HHIPL2: variants seen among roughly 807,000 people sequenced by gnomAD.
The protein encoded by HHIPL2 is HHIP-like protein 2.
In HHIPL2, 61 loss-of-function variants were observed where a neutral mutation model predicts 61.0. That is an observed-to-expected ratio of 1.00 (90% CI 0.81 to 1.24). The LOEUF (loss-of-function observed/expected upper bound fraction) is 1.24, where lower values mean the gene tolerates loss of function less well. Ranked by LOEUF, HHIPL2 falls within the 50% of genes most tolerant of loss-of-function variation. HHIPL2 has a pLI of 0.00. For missense variants in HHIPL2, 885 were observed against 910.2 expected, an observed-to-expected ratio of 0.97 and a Z score of 0.36; for synonymous variants, 343 against 357.4, an observed-to-expected ratio of 0.96 and a Z score of 0.45.
intron 5 of HHIPL2, 122 bp from the exon 6 acceptor site, chr1:222,532,233 C>T: frequency 1.2e-6 from 1 of 806,280 alleles, no homozygotes; most frequent in Non-Finnish European, 1.8e-6. Flanking sequence ...AGATCAATAA[C>T]TAGCCTGCCT....
chr1:222,527,194 G>T, intron 6 of HHIPL2, 144 bp from the exon 7 acceptor site: 1 of 655,042 alleles, frequency 1.5e-6, no homozygotes, highest in Non-Finnish European at 2.7e-6. Context: ...AACCTAACTG[G>T]CATCAGCTCT....
chr1:222,530,439 T>C (rs1038718025), intron 6 of HHIPL2, among the ~76,000 whole-genome samples: 15 of 152,218 alleles, frequency 9.9e-5, no homozygotes, highest in Admixed American at 9.2e-4. Flanking sequence ...GTGGTTTCTC[T>C]CCTTTTTCAT....
chr1:222,544,002 T>TG lies in HHIPL2; in HGVS notation c.508dup (p.His170ProfsTer7). On this transcript the variant is annotated frameshift_variant, in exon 2 of 9. Coordinates refer to ENST00000343410, the MANE Select transcript of HHIPL2 (RefSeq NM_024746.4). LOFTEE classifies it high-confidence loss of function. Reference sequence around the variant, plus strand: ...GTCCTTGTCAGGAAGGTCCAGGAGGTGGCAGAAGCGGGTACCGTCCCTTCC... The same window carrying TG: ...GTCCTTGTCAGGAAGGTCCAGGAGGTGGGCAGAAGCGGGTACCGTCCCTTCC... 1 of 1,613,948 alleles carries TG rather than the reference T, an allele frequency of 6.2e-7. No individual in the cohort carries two copies. Among genetic ancestry groups the TG allele is most frequent in the Admixed American group, 1.7e-5 (1 of 59,998 alleles).
intron 6 of HHIPL2, 110 bp from the exon 7 acceptor site, chr1:222,527,160 G>A (rs1571764355): frequency 8.9e-6 from 7 of 786,912 alleles, no homozygotes; most frequent in African/African-American, 1.7e-5. Context: ...AAAATGCAGT[G>A]AGCGCCAAGA....
rs1240448211 is a variant in HHIPL2 at position 222,545,778 on chromosome 1, C to G, written c.322-1589G>C. Among the ~76,000 whole-genome samples, 3 of 152,068 alleles carry G rather than the reference C, an allele frequency of 2.0e-5. No individual in the cohort carries two copies. In the East Asian group the frequency reaches 5.8e-4, roughly 29 times the overall value. On this transcript the variant is annotated intron_variant, in intron 1 of 8. Coordinates refer to ENST00000343410, the MANE Select transcript of HHIPL2 (RefSeq NM_024746.4). ...AGGCGCAGTAGCTCACGCCTGTAATCCCAGCACTTTGAGAGGATGAGGGGG... is the reference window on the plus strand; with the variant it reads ...AGGCGCAGTAGCTCACGCCTGTAATGCCAGCACTTTGAGAGGATGAGGGGG...
chr1:222,547,819 G>C lies in HHIPL2; in HGVS notation c.226C>G (p.Arg76Gly). Residue 76 changes from arginine (R) to glycine (G), a missense_variant, in exon 1 of 9, where the codon CGC becomes GGC. Arg to Gly is a moderately radical substitution (Grantham distance 125). Transcript: ENST00000343410. Reference protein sequence around the residue: ...SFGCCDQHKDRRIAARYWDIM... With the variant: ...SFGCCDQHKDGRIAARYWDIM... ...TCCCAGTACCGGGCAGCGATGCGGCGGTCCTTGTGCTGATCACAGCAGCCG... is the reference window on the plus strand; with the variant it reads ...TCCCAGTACCGGGCAGCGATGCGGCCGTCCTTGTGCTGATCACAGCAGCCG... 1 of 1,614,158 alleles carries C rather than the reference G, an allele frequency of 6.2e-7. No individual in the cohort carries two copies. The highest frequency in any genetic ancestry group is 1.3e-5 in the African/African-American group (1 of 75,026).
chr1:222,527,763 G>A (rs1033174942), intron 6 of HHIPL2, among the ~76,000 whole-genome samples: 1 of 152,100 alleles, frequency 6.6e-6, no homozygotes, highest in African/African-American at 2.4e-5. Context: ...TGTTCTCCTG[G>A]TAGTGAATAA....
At position 222,522,644 on chromosome 1, in the gene HHIPL2, C is replaced by T; in HGVS notation, c.2132G>A (p.Arg711Lys). The T allele has an allele frequency of 6.2e-7, 1 of 1,614,166 alleles. No homozygotes were observed. The highest frequency in any genetic ancestry group is 8.5e-7 in the Non-Finnish European group (1 of 1,180,040). ...AGCTCGCTTCTGCTCTGCTGATGGC[C>T]TCATCCTGCCACTGTGGCTTTTCAG... Reference protein sequence around the residue: ...KSLKSHSGRMRPSAEQKRAGR... With the variant: ...KSLKSHSGRMKPSAEQKRAGR... Residue 711 changes from arginine (R) to lysine (K), a missense_variant, in exon 9 of 9, where the codon AGG becomes AAG. By Grantham distance (26) the Arg-to-Lys change is conservative (BLOSUM62 2). Coordinates refer to ENST00000343410, the MANE Select transcript of HHIPL2 (RefSeq NM_024746.4).
At chr1:222,540,409 C>T in intron 3 of HHIPL2, 68 bp from the exon 4 acceptor site, 1 of 1,258,454 alleles carries the variant, frequency 7.9e-7, no homozygotes. Context: ...GAAGAGATCG[C>T]CCAGAAGGGC....
At chr1:222,534,577 T>TTAAAAAA (rs1659260111) in intron 5 of HHIPL2, among the ~76,000 whole-genome samples, 1 of 72,676 alleles carries the variant, frequency 1.4e-5, no homozygotes, top group East Asian at 4.7e-4. Context: ...ACTCCATCTC[T>TTAAAAAA]AAAAAAAAAA....
chr1:222,544,567 G>A (rs1295080609), intron 1 of HHIPL2, among the ~76,000 whole-genome samples: 1 of 151,674 alleles, frequency 6.6e-6, no homozygotes, highest in East Asian at 1.9e-4. Flanking sequence ...TCACCATGTT[G>A]CCCAGGCTGA....
chr1:222,530,843 G>A (rs563189395), intron 6 of HHIPL2, among the ~76,000 whole-genome samples: 1 of 151,836 alleles, frequency 6.6e-6, no homozygotes, highest in East Asian at 1.9e-4. Context: ...AAGGGACCCT[G>A]AGAGATCACC....
chr1:222,530,792 TTTAA>T (rs1398251444), intron 6 of HHIPL2, among the ~76,000 whole-genome samples: 1 of 152,168 alleles, frequency 6.6e-6, no homozygotes, highest in Non-Finnish European at 1.5e-5. Context: ...TTTTCTGTTG[TTTAA>T]TTATTTTTTT....
chr1:222,525,354 T>C (rs1558125622), intron 7 of HHIPL2: 1 of 152,184 alleles, frequency 6.6e-6, no homozygotes, highest in African/African-American at 2.4e-5. Context: ...CCAGGAGAAG[T>C]GCACAGAAGC....
intron 6 of HHIPL2, among the ~76,000 whole-genome samples, chr1:222,529,423 CT>C (rs2102611875): frequency 6.6e-6 from 1 of 152,250 alleles, no homozygotes; most frequent in Admixed American, 6.5e-5. Context: ...GCAGGGGCCC[CT>C]CGAAACCATG....
chr1:222,545,258 C>A (rs79559306), intron 1 of HHIPL2, among the ~76,000 whole-genome samples: 3,602 of 152,282 alleles, frequency 0.024, 72 homozygotes, highest in African/African-American at 0.05. Flanking sequence ...CCTGAGCCAG[C>A]CAGCCTGTGC....
At chr1:222,527,729 T>C (rs534921111) in intron 6 of HHIPL2, among the ~76,000 whole-genome samples, 1 of 152,314 alleles carries the variant, frequency 6.6e-6, no homozygotes, top group East Asian at 1.9e-4. Context: ...GATAATTGAA[T>C]CATGGGGGCA....
chr1:222,522,966 G>A lies in HHIPL2; in HGVS notation c.1889-79C>T, dbSNP rs1246267841. The A allele has an allele frequency of 2.6e-6, 3 of 1,152,278 alleles. No homozygotes were observed. In the Admixed American group the frequency reaches 7.0e-5, roughly 27 times the overall value. The allele number at this position is 1,152,278 out of a possible 1,614,324, so 71.4% of individuals were successfully genotyped here. A position where few individuals can be genotyped will look rare whatever the true frequency, so the allele number is the denominator to read the frequency against. On this transcript the variant is annotated intron_variant, in intron 8 of 8. Coordinates refer to ENST00000343410, the MANE Select transcript of HHIPL2 (RefSeq NM_024746.4). ...AAGAGAAAACTATAACTGCATTATAGTTCTTTAATATAAATTATTCTTATT... is the reference window on the plus strand; with the variant it reads ...AAGAGAAAACTATAACTGCATTATAATTCTTTAATATAAATTATTCTTATT...
chr1:222,523,854 G>T (rs1179513224), intron 7 of HHIPL2, among the ~76,000 whole-genome samples, 160 bp from the exon 8 acceptor site: 1 of 152,156 alleles, frequency 6.6e-6, no homozygotes, highest in Non-Finnish European at 1.5e-5. Context: ...GAGCTCAGAA[G>T]GTGAGGTAAA....
Sources: allele counts gnomAD v4.1 joint callset (sites outside exome capture counted in the v4.1 genomes callset), GRCh38; gene constraint gnomAD v4.1.1; transcripts MANE v1.5; gene names NCBI Gene and HGNC (gene_info 2026-07-23, HGNC 2026-07-21).